Variants in NADSYN1 observed in about 807,000 individuals in gnomAD.
NADSYN1 encodes the protein NAD synthetase 1, also known as glutamine-dependent NAD(+) synthetase.
Under a neutral mutation model 99.3 loss-of-function variants are expected in NADSYN1, and 80 were observed. That is an observed-to-expected ratio of 0.81 (90% confidence interval 0.67 to 0.97). The LOEUF (loss-of-function observed/expected upper bound fraction) is 0.97, where lower values mean the gene tolerates loss of function less well. Ranked by LOEUF, NADSYN1 falls within the 50% of genes least tolerant of loss-of-function variation. The probability of loss-of-function intolerance (pLI) is 0.00; values close to 1 mark genes in which losing one functional copy is unlikely to be tolerated. For synonymous variants in NADSYN1, 385 were observed against 372.1 expected, an observed-to-expected ratio of 1.03 and a Z score of -0.40; for missense variants, 859 against 948.5, an observed-to-expected ratio of 0.91 and a Z score of 1.24.
intron 5 of NADSYN1, chr11:71,464,586 G>C (rs1949574615): frequency 6.5e-6 from 1 of 153,996 alleles, no homozygotes; most frequent in African/African-American, 2.4e-5. Flanking sequence ...TGGGGTTTTG[G>C]GCTGGGCACG....
chr11:71,489,217 A>C (rs952075229), intron 16 of NADSYN1, among the ~76,000 whole-genome samples: 1 of 151,892 alleles, frequency 6.6e-6, no homozygotes, highest in African/African-American at 2.4e-5. Flanking sequence ...GCAGAGTGCG[A>C]GAGGAGGGGA....
intron 3 of NADSYN1, among the ~76,000 whole-genome samples, chr11:71,462,169 C>T (rs113250061): frequency 0.04 from 6,074 of 152,130 alleles, 402 homozygotes; most frequent in African/African-American, 0.14. Flanking sequence ...GATCGGGGGT[C>T]GGACAGGCCT....
chr11:71,458,682 T>C, intron 3 of NADSYN1, 138 bp downstream of exon 3: 1 of 671,208 alleles, frequency 1.5e-6, no homozygotes, highest in South Asian at 1.7e-5. Context: ...GCTTGAAAAG[T>C]GGGTTTTGTT....
chr11:71,496,062 T>A (rs1949816615), intron 18 of NADSYN1, among the ~76,000 whole-genome samples: 2 of 151,956 alleles, frequency 1.3e-5, no homozygotes, highest in South Asian at 4.2e-4. Flanking sequence ...CTTCTCTGAG[T>A]CCCCCACACT....
chr11:71,463,638 G>A (rs563081808), intron 4 of NADSYN1, among the ~76,000 whole-genome samples, 153 bp downstream of exon 4: 1 of 152,208 alleles, frequency 6.6e-6, no homozygotes, highest in African/African-American at 2.4e-5. Context: ...GATGCACCAG[G>A]CAGGTGATCC....
chr11:71,490,999 G>A, intron 17 of NADSYN1, 23 bp downstream of exon 17: 1 of 1,613,416 alleles, frequency 6.2e-7, no homozygotes, highest in Non-Finnish European at 8.5e-7. Context: ...ACGGGCTGTG[G>A]CTCCACAGCC....
chr11:71,498,503 G>A lies in NADSYN1; in HGVS notation c.2045G>A (p.Trp682Ter). 6.2e-7 allele frequency: 1 copy of A among 1,614,082 alleles called. No homozygotes were observed. The highest frequency in any genetic ancestry group is 8.5e-7 in the Non-Finnish European group (1 of 1,180,002). Residue 682 changes from tryptophan (W) to a stop codon, truncating the protein, a stop_gained, in exon 20 of 21, where the codon TGG becomes TAG. Transcript: ENST00000319023. LOFTEE classifies it low-confidence loss of function (END_TRUNC). ...RPFLYNTSWPWQFRCIENQVL... is the reference protein window; with the variant it reads ...RPFLYNTSWP ...TTTCTGTACAACACAAGCTGGCCTT[G>A]GCAGTTTCGGTGCATAGAAAATCAG...
At chr11:71,477,426 C>T in intron 9 of NADSYN1, 3 of 1,289,802 alleles carry the variant, frequency 2.3e-6, no homozygotes, top group South Asian at 1.2e-5. Context: ...TCTTCATGGG[C>T]ATCTCCGGCC....
chr11:71,482,650 C>G, intron 13 of NADSYN1, 199 bp from the exon 14 acceptor site: 1 of 412,576 alleles, frequency 2.4e-6, no homozygotes, highest in Non-Finnish European at 4.3e-6. Flanking sequence ...TGGAGCCGCA[C>G]AGGCACCTGG....
intron 19 of NADSYN1, 108 bp from the exon 20 acceptor site, chr11:71,498,244 C>G: frequency 7.8e-7 from 1 of 1,275,676 alleles, no homozygotes; most frequent in Non-Finnish European, 1.1e-6. Context: ...AGGTCCTGTG[C>G]GGGGAGTAAC....
In NADSYN1 at chr11:71,497,604, C is replaced by T. The variant is rs1166927393; in HGVS notation, c.1886C>T (p.Pro629Leu). Reference protein sequence around the residue: ...LLGMWRHICTPRQVADKVKRF... With the variant: ...LLGMWRHICTLRQVADKVKRF... ...GGCATGTGGAGACACATCTGCACCC[C>T]GAGACAGGTAAAGCCTGTGAGACGC... The change falls in exon 19 of 21, where the codon CCG (proline) becomes CTG (leucine). Residue 629 changes from proline (P) to leucine (L), a missense_variant. By Grantham distance (98) the Pro-to-Leu change is moderately conservative. Transcript: ENST00000319023. 6 of 1,613,936 alleles carry T rather than the reference C, an allele frequency of 3.7e-6. No homozygotes were observed. Among genetic ancestry groups the T allele is most frequent in the Middle Eastern group, 1.7e-4 (1 of 6,060 alleles).
At chr11:71,453,510 GAGA>G in intron 1 of NADSYN1, 129 bp downstream of exon 1, 1 of 801,324 alleles carries the variant, frequency 1.2e-6, no homozygotes. Flanking sequence ...GGGATCAGGT[GAGA>G]TAATGGGCAA....
Position 71,498,364 on chromosome 11 carries a change from G to A in NADSYN1, c.1906G>A (p.Val636Met). 1 of 1,614,170 alleles carries A rather than the reference G, an allele frequency of 6.2e-7. No homozygotes were observed. The highest frequency in any genetic ancestry group is 8.5e-7 in the Non-Finnish European group (1 of 1,180,036). ...ICTPRQVADKVKRFFSKYSMN... is the reference protein window; with the variant it reads ...ICTPRQVADKMKRFFSKYSMN... ...GCACGCCCACCAGGTCGCTGACAAA[G>A]TGAAGCGGTTTTTCTCCAAGTACTC... The change falls in exon 20 of 21, where the codon GTG becomes ATG. Residue 636 changes from valine (V) to methionine (M), a missense_variant. By Grantham distance (21) the Val-to-Met change is conservative (BLOSUM62 1). Transcript: ENST00000319023.
chr11:71,485,699 C>A, intron 16 of NADSYN1, 51 bp downstream of exon 16: 1 of 1,352,808 alleles, frequency 7.4e-7, no homozygotes, highest in Non-Finnish European at 1.0e-6. Context: ...CCTCTCAGGT[C>A]TCTGAAGGTG....
In NADSYN1 at chr11:71,453,316, T is replaced by A. The variant is rs1162866237; in HGVS notation, c.20T>A (p.Val7Glu). The A allele has an allele frequency of 6.2e-7, 1 of 1,613,794 alleles. No homozygotes were observed. The change falls in exon 1 of 21, where the codon GTG (valine) becomes GAG (glutamate). Residue 7 changes from valine (V) to glutamate (E), a missense_variant. Physicochemically the swap from Val to Glu is moderately radical, Grantham distance 121. Transcript: ENST00000319023. MGRKVT[V>E]ATCALNQWAL... Reference sequence around the variant, plus strand: ...GCCAGGATGGGCCGGAAGGTGACCGTGGCCACCTGCGCACTCAACCAGTGG... The same window carrying A: ...GCCAGGATGGGCCGGAAGGTGACCGAGGCCACCTGCGCACTCAACCAGTGG...
intron 17 of NADSYN1, 86 bp from the exon 18 acceptor site, chr11:71,491,748 C>A: frequency 7.7e-7 from 1 of 1,294,014 alleles, no homozygotes; most frequent in Non-Finnish European, 1.1e-6. Flanking sequence ...CCAGCGTACT[C>A]GGGAAACTTA....
chr11:71,457,367 T>C (rs1161071165), intron 2 of NADSYN1, among the ~76,000 whole-genome samples: 1 of 152,232 alleles, frequency 6.6e-6, no homozygotes, highest in Non-Finnish European at 1.5e-5. Flanking sequence ...TATGCAGGTG[T>C]GTGCGAGGTT....
At chr11:71,498,292 T>C in intron 19 of NADSYN1, 60 bp from the exon 20 acceptor site, 1 of 1,587,052 alleles carries the variant, frequency 6.3e-7, no homozygotes, top group Non-Finnish European at 8.6e-7. Context: ...GCATGGGAAT[T>C]CCGGCCTGGG....
intron 5 of NADSYN1, among the ~76,000 whole-genome samples, chr11:71,471,755 T>C (rs1949628656): frequency 6.6e-6 from 1 of 152,194 alleles, no homozygotes; most frequent in African/African-American, 2.4e-5. Flanking sequence ...AAAGACATCA[T>C]TGACTCAGTT....
Sources: gnomAD v4.1 joint callset for allele counts (sites outside exome capture counted in the v4.1 genomes callset) on GRCh38, gnomAD v4.1.1 for gene constraint, MANE v1.5 for transcripts, NCBI Gene and HGNC (gene_info 2026-07-23, HGNC 2026-07-21) for gene names.